The following MAGI2 variants were observed in gnomAD, a reference collection of about 807,000 sequenced individuals.
MAGI2 encodes membrane associated guanylate kinase, WW and PDZ domain containing 2, also known as membrane-associated guanylate kinase, WW and PDZ domain-containing protein 2.
MAGI2 carries 35 observed loss-of-function variants against 133.3 expected under a neutral mutation model. That is an observed-to-expected ratio of 0.26 (90% confidence interval 0.20 to 0.35). The LOEUF is 0.35. MAGI2 is among the 10% of genes least tolerant of loss of function. The pLI, the probability that MAGI2 is intolerant of heterozygous loss-of-function variation, is 1.00. For synonymous variants in MAGI2, 729 were observed against 710.6 expected, an observed-to-expected ratio of 1.03 and a Z score of -0.41; for missense variants, 1,636 against 1,863.4, an observed-to-expected ratio of 0.88 and a Z score of 2.25.
chr7:78,891,976 A>G (rs78723182), intron 2 of MAGI2, among the ~76,000 whole-genome samples: 56,750 of 151,978 alleles, frequency 0.37, 12,312 homozygotes, highest in South Asian at 0.58. Context: ...ATATCCAGAA[A>G]ACTCAATCAT....
intron 1 of MAGI2, among the ~76,000 whole-genome samples, chr7:79,170,471 C>T (rs1414899115): frequency 6.6e-6 from 1 of 151,918 alleles, no homozygotes; most frequent in Admixed American, 6.6e-5. Flanking sequence ...CCACTGCGCC[C>T]AGCCAAAATA....
At chr7:78,489,263 A>G (rs1365831662) in intron 6 of MAGI2, among the ~76,000 whole-genome samples, 1 of 152,082 alleles carries the variant, frequency 6.6e-6, no homozygotes, top group African/African-American at 2.4e-5. Context: ...GAAAATACTA[A>G]GGATAATCTA....
At chr7:78,271,072 T>G (rs569031366) in intron 9 of MAGI2, among the ~76,000 whole-genome samples, 161 of 152,328 alleles carry the variant, frequency 1.1e-3, no homozygotes, top group Middle Eastern at 6.8e-3. Flanking sequence ...CTTACAGTTT[T>G]TTCCTATATC....
intron 1 of MAGI2, among the ~76,000 whole-genome samples, chr7:79,169,813 G>C (rs1283666484): frequency 6.6e-6 from 1 of 151,950 alleles, no homozygotes; most frequent in Admixed American, 6.6e-5. Flanking sequence ...TCCTGTAGCT[G>C]TTCAATTTAA....
intron 3 of MAGI2, among the ~76,000 whole-genome samples, chr7:78,549,478 C>T (rs1476274576): frequency 2.6e-5 from 4 of 151,986 alleles, no homozygotes; most frequent in Non-Finnish European, 5.9e-5. Context: ...GGAGAAGAGT[C>T]CTACTGCCTT....
intron 1 of MAGI2, among the ~76,000 whole-genome samples, chr7:79,151,608 C>A (rs1232228475): frequency 2.0e-5 from 3 of 152,054 alleles, no homozygotes; most frequent in Non-Finnish European, 4.4e-5. Flanking sequence ...GGACATTGAA[C>A]AATTTTTAAC....
chr7:78,249,223 C>T (rs973688774), intron 10 of MAGI2, among the ~76,000 whole-genome samples: 11 of 151,826 alleles, frequency 7.2e-5, no homozygotes, highest in African/African-American at 2.4e-4. Context: ...CAAGTGTCGG[C>T]GAGGATGTGG....
chr7:79,313,638 C>A (rs932828280), intron 1 of MAGI2, among the ~76,000 whole-genome samples: 1 of 152,012 alleles, frequency 6.6e-6, no homozygotes, highest in Non-Finnish European at 1.5e-5. Context: ...TAAGGAGAGC[C>A]AATTCTATTT....
intron 2 of MAGI2, among the ~76,000 whole-genome samples, chr7:78,820,004 C>T (rs57952287): frequency 0.016 from 2,504 of 151,936 alleles, 73 homozygotes; most frequent in African/African-American, 0.057. Context: ...TCAGCTAAGT[C>T]CATGTATGTG....
At chr7:79,309,237 A>G (rs900393529) in intron 1 of MAGI2, among the ~76,000 whole-genome samples, 6 of 152,002 alleles carry the variant, frequency 3.9e-5, no homozygotes, top group Admixed American at 2.6e-4. Flanking sequence ...TATCCCAGAG[A>G]TTATAACATG....
At position 78,588,155 on chromosome 7, in the gene MAGI2, C is replaced by T. The variant is rs113467181; in HGVS notation, c.538+38965G>A. 2.2e-3 allele frequency among the ~76,000 whole-genome samples: 340 copies of T among 152,304 alleles called. 4 individuals carry two copies. The highest frequency in any genetic ancestry group is 0.017 in the Middle Eastern group (5 of 294). On this transcript the variant is annotated intron_variant, in intron 3 of 21. Coordinates refer to ENST00000354212, the MANE Select transcript of MAGI2 (RefSeq NM_012301.4). The stretch of plus-strand genomic sequence containing the variant: ...TGTCACAGGCCTCCCAGAATAGGTG[C>T]TTGTTCAACGTTAGCCCTCTTTTCT...
intron 1 of MAGI2, among the ~76,000 whole-genome samples, chr7:79,343,568 GC>G (rs1841072318): frequency 1.3e-5 from 2 of 150,682 alleles, no homozygotes; most frequent in African/African-American, 4.9e-5. Flanking sequence ...AAAGGCATTG[GC>G]CCCAAATTGG....
chr7:79,042,061 C>A (rs1811720122), intron 1 of MAGI2, among the ~76,000 whole-genome samples: 1 of 151,966 alleles, frequency 6.6e-6, no homozygotes, highest in Non-Finnish European at 1.5e-5. Flanking sequence ...AAAAATAAGG[C>A]ATAGACTGGG....
chr7:78,954,955 C>T (rs1802171773), intron 2 of MAGI2, among the ~76,000 whole-genome samples: 2 of 152,024 alleles, frequency 1.3e-5, no homozygotes, highest in Admixed American at 1.3e-4. Context: ...ATATCTGGCT[C>T]AGCAGTGGTG....
chr7:78,607,545 T>G (rs903070383), intron 3 of MAGI2, among the ~76,000 whole-genome samples: 15 of 151,206 alleles, frequency 9.9e-5, no homozygotes, highest in Non-Finnish European at 1.8e-4. Flanking sequence ...CTGCATTGTA[T>G]TGAGAGGAAT....
intron 6 of MAGI2, among the ~76,000 whole-genome samples, chr7:78,435,406 G>C (rs1800187302): frequency 6.6e-6 from 1 of 152,040 alleles, no homozygotes; most frequent in African/African-American, 2.4e-5. Context: ...CTTTACAGAG[G>C]ACCAATGGAT....
intron 2 of MAGI2, among the ~76,000 whole-genome samples, chr7:78,970,805 C>T (rs560433588): frequency 6.6e-6 from 1 of 152,170 alleles, no homozygotes; most frequent in African/African-American, 2.4e-5. Context: ...AAAGGAGTCA[C>T]AGCTTTCTTG....
chr7:78,845,855 T>C (rs1421197550), intron 2 of MAGI2, among the ~76,000 whole-genome samples: 1 of 151,756 alleles, frequency 6.6e-6, no homozygotes, highest in East Asian at 1.9e-4. Flanking sequence ...TAAGAACAGA[T>C]TGGGTCAGAG....
At chr7:78,917,210 G>C (rs1798871453) in intron 2 of MAGI2, among the ~76,000 whole-genome samples, 1 of 152,056 alleles carries the variant, frequency 6.6e-6, no homozygotes, top group South Asian at 2.1e-4. Context: ...ATTTTTTAAA[G>C]AACATAGGCT....
Sources: allele counts gnomAD v4.1 joint callset (sites outside exome capture counted in the v4.1 genomes callset), GRCh38; gene constraint gnomAD v4.1.1; transcripts MANE v1.5; gene names NCBI Gene and HGNC (gene_info 2026-07-23, HGNC 2026-07-21).